DOCK3: variants seen among roughly 807,000 people sequenced by gnomAD.
DOCK3 encodes the protein dedicator of cytokinesis 3.
A neutral mutation model predicts 265.6 loss-of-function variants in DOCK3; 60 were observed. That is an observed-to-expected ratio of 0.23 (90% CI 0.18 to 0.28). DOCK3 has a LOEUF of 0.28. Ranked by LOEUF, DOCK3 falls within the 10% of genes least tolerant of loss-of-function variation. DOCK3 has a pLI of 1.00. For missense variants in DOCK3, 1,981 were observed against 2,594.3 expected, an observed-to-expected ratio of 0.76 and a Z score of 5.14; for synonymous variants, 881 against 938.0, an observed-to-expected ratio of 0.94 and a Z score of 1.11.
intron 5 of DOCK3, among the ~76,000 whole-genome samples, chr3:51,055,238 G>C (rs928669552): frequency 6.6e-6 from 1 of 152,112 alleles, no homozygotes; most frequent in African/African-American, 2.4e-5. Flanking sequence ...TGGGGAGCTC[G>C]ATGTGGAAAG....
chr3:51,058,925 A>C (rs540558420), intron 5 of DOCK3, among the ~76,000 whole-genome samples: 1 of 152,204 alleles, frequency 6.6e-6, no homozygotes, highest in East Asian at 1.9e-4. Flanking sequence ...GTATGTATAA[A>C]ATCATTTTAA....
chr3:51,154,490 G>A (rs943071073), intron 10 of DOCK3, among the ~76,000 whole-genome samples: 1 of 152,202 alleles, frequency 6.6e-6, no homozygotes, highest in Non-Finnish European at 1.5e-5. Flanking sequence ...GAGAGCTTCT[G>A]AAGTGAGAGT....
intron 3 of DOCK3, among the ~76,000 whole-genome samples, chr3:50,863,228 G>A (rs1380471310): frequency 6.6e-6 from 1 of 152,130 alleles, no homozygotes; most frequent in Non-Finnish European, 1.5e-5. Context: ...GGATCTGGTG[G>A]TGCTGTGACT....
chr3:51,083,318 C>A (rs1352354012), intron 7 of DOCK3, among the ~76,000 whole-genome samples: 1 of 152,146 alleles, frequency 6.6e-6, no homozygotes, highest in Non-Finnish European at 1.5e-5. Context: ...GTAAACCAAT[C>A]TATAAAATTA....
chr3:50,974,352 G>A (rs1369287186), intron 5 of DOCK3, among the ~76,000 whole-genome samples: 8 of 149,636 alleles, frequency 5.3e-5, no homozygotes, highest in South Asian at 2.1e-4. Flanking sequence ...TCAGCTTTCT[G>A]CATATGGCTA....
chr3:51,274,943 A>C, intron 24 of DOCK3, 136 bp from the exon 25 acceptor site: 2 of 977,054 alleles, frequency 2.0e-6, no homozygotes, highest in Non-Finnish European at 3.2e-6. Flanking sequence ...TTGTAAGGTA[A>C]GGAGATTACC....
rs114070727 is a variant in DOCK3 at position 51,131,583 on chromosome 3, C to T, written c.747-14966C>T. ...TTATAATTCAAACAAGTCTTTTATC[C>T]GTTCAACCTAGAAATTTTCTGCTTG... On this transcript the variant is annotated intron_variant, in intron 9 of 52. Coordinates refer to ENST00000266037, the MANE Select transcript of DOCK3 (RefSeq NM_004947.5). Among the ~76,000 whole-genome samples, 424 of 152,230 alleles carry T rather than the reference C, an allele frequency of 2.8e-3. 1 individual carries two copies. Among genetic ancestry groups the T allele is most frequent in the African/African-American group, 9.7e-3 (402 of 41,530 alleles).
At chr3:51,293,037 A>T (rs2081875303) in intron 27 of DOCK3, among the ~76,000 whole-genome samples, 1 of 152,238 alleles carries the variant, frequency 6.6e-6, no homozygotes. Flanking sequence ...TATTGTTAAG[A>T]TGTTTATAAT....
intron 12 of DOCK3, among the ~76,000 whole-genome samples, chr3:51,199,469 G>C (rs916478475): frequency 6.6e-6 from 1 of 152,192 alleles, no homozygotes; most frequent in South Asian, 2.1e-4. Flanking sequence ...ACTGCAAGGC[G>C]GCAGCGAGGC....
chr3:51,004,104 T>C (rs951086047), intron 5 of DOCK3, among the ~76,000 whole-genome samples: 1 of 152,104 alleles, frequency 6.6e-6, no homozygotes, highest in Non-Finnish European at 1.5e-5. Flanking sequence ...CTCTAGTGAA[T>C]AGAATGCAGT....
chr3:50,756,748 G>A (rs1261538942), intron 1 of DOCK3, among the ~76,000 whole-genome samples: 1 of 152,114 alleles, frequency 6.6e-6, no homozygotes, highest in Non-Finnish European at 1.5e-5. Context: ...CTGGTATCTT[G>A]TGGTTTTGAT....
At chr3:50,736,160 T>A (rs2038591558) in intron 1 of DOCK3, among the ~76,000 whole-genome samples, 1 of 152,182 alleles carries the variant, frequency 6.6e-6, no homozygotes, top group African/African-American at 2.4e-5. Flanking sequence ...GTTTGTTTTT[T>A]TTGTCTTGCG....
chr3:50,712,351 T>A (rs2036828966), intron 1 of DOCK3, among the ~76,000 whole-genome samples: 1 of 152,232 alleles, frequency 6.6e-6, no homozygotes, highest in Admixed American at 6.5e-5. Flanking sequence ...TTATTTTTAT[T>A]TTTTGAGACG....
At chr3:51,041,799 TAAG>T (rs1347236315) in intron 5 of DOCK3, among the ~76,000 whole-genome samples, 1 of 152,092 alleles carries the variant, frequency 6.6e-6, no homozygotes, top group Non-Finnish European at 1.5e-5. Flanking sequence ...TTAGGGAGCA[TAAG>T]AAGAGTAGAA....
intron 1 of DOCK3, among the ~76,000 whole-genome samples, chr3:50,757,815 T>A (rs2040258650): frequency 6.6e-6 from 1 of 152,146 alleles, no homozygotes; most frequent in Non-Finnish European, 1.5e-5. Context: ...GTTCATACTT[T>A]GCCTGTGGAT....
intron 1 of DOCK3, among the ~76,000 whole-genome samples, chr3:50,753,454 C>T (rs920589836): frequency 1.3e-5 from 2 of 152,098 alleles, no homozygotes; most frequent in Non-Finnish European, 1.5e-5. Flanking sequence ...GTGATTCTCC[C>T]ACCTCAGCCT....
rs572422381 is a variant in DOCK3 at position 50,863,253 on chromosome 3, C to A, written c.162+21538C>A. On this transcript the variant is annotated intron_variant, in intron 3 of 52. Transcript: ENST00000266037. ...GTGCTGTGACTCAAGGGCAGAGAGT[C>A]CTTGGGCATGGTAGTGGCTTATGAC... Among the ~76,000 whole-genome samples, 7 of 152,236 alleles carry A rather than the reference C, an allele frequency of 4.6e-5. No individual in the cohort carries two copies. The East Asian group carries it at 1.4e-3, about 29-fold the overall frequency.
At chr3:51,261,150 G>A (rs980888713) in intron 23 of DOCK3, among the ~76,000 whole-genome samples, 3 of 109,840 alleles carry the variant, frequency 2.7e-5, no homozygotes, top group East Asian at 5.4e-4. Flanking sequence ...GAACAGCTCC[G>A]GACTGCAGCT....
intron 5 of DOCK3, among the ~76,000 whole-genome samples, chr3:51,028,928 G>A (rs2079926453): frequency 6.6e-6 from 1 of 152,068 alleles, no homozygotes; most frequent in South Asian, 2.1e-4. Flanking sequence ...TAGTCTGGTT[G>A]GCATCCATTG....
Sources: allele counts gnomAD v4.1 joint callset (sites outside exome capture counted in the v4.1 genomes callset), GRCh38; gene constraint gnomAD v4.1.1; transcripts MANE v1.5; gene names NCBI Gene and HGNC (gene_info 2026-07-23, HGNC 2026-07-21).